Variants in CACNA1G observed in about 807,000 individuals in gnomAD.
CACNA1G encodes the protein calcium voltage-gated channel subunit alpha1 G, also known as voltage-dependent T-type calcium channel subunit alpha-1G.
Under a neutral mutation model 219.4 loss-of-function variants are expected in CACNA1G, and 67 were observed. The observed-to-expected ratio is 0.31, with a 90% CI of 0.25 to 0.37. CACNA1G has a LOEUF of 0.37. Among genes scored for constraint, CACNA1G ranks in the 10% least tolerant of loss-of-function variants. The pLI is 1.00. For missense variants in CACNA1G, 2,380 were observed against 3,231.4 expected (o/e 0.74, Z 6.39); for synonymous variants, 1,296 against 1,345.3 (o/e 0.96, Z 0.80).
chr17:50,603,315 T>C lies in CACNA1G; in HGVS notation c.4169+116T>C. ...AAAGCCTGCACAGGCCAGCATCCTG[T>C]CTGTGACCCCCACAGGCGATCCTGT... On this transcript the variant is annotated intron_variant, in intron 21 of 37. Coordinates refer to ENST00000359106, the MANE Select transcript of CACNA1G (RefSeq NM_018896.5). This position sits in a 1 kb window ranked among gnomAD's most constrained non-coding sequence, Gnocchi z 6.4. 5.8e-6 allele frequency: 5 copies of C among 869,248 alleles called. No homozygotes were observed. Among genetic ancestry groups the C allele is most frequent in the Non-Finnish European group, 8.8e-6 (5 of 568,088 alleles). 53.8% of individuals were successfully genotyped at this position (869,248 alleles called of 1,614,324 possible). A position where few individuals can be genotyped will look rare whatever the true frequency, so the allele number is the denominator to read the frequency against.
chr17:50,601,317 C>A, intron 19 of CACNA1G, 143 bp downstream of exon 19: 1 of 1,017,520 alleles, frequency 9.8e-7, no homozygotes, highest in Non-Finnish European at 1.4e-6. Context: ...TTAGGTCTCT[C>A]ACCAGATCCT....
At chr17:50,572,461 C>T in intron 5 of CACNA1G, 93 bp from the exon 6 acceptor site, 1 of 1,095,670 alleles carries the variant, frequency 9.1e-7, no homozygotes, top group Non-Finnish European at 1.3e-6. Context: ...ACCCTATATG[C>T]CTCGAGCACT....
chr17:50,621,871 G>A lies in CACNA1G; in HGVS notation c.6060+77G>A. On this transcript the variant is annotated intron_variant, in intron 35 of 37. Transcript: ENST00000359106. The surrounding 1 kb of genome is among the most constrained non-coding windows in gnomAD (Gnocchi z 4.6). ...CTGCAGGGCTCCAGATCGGCCCAGG[G>A]AGGGTCCTGGGGCCGCCTCCTCTCA... 1 of 1,540,202 alleles carries A rather than the reference G, an allele frequency of 6.5e-7. No individual in the cohort carries two copies.
Position 50,626,096 on chromosome 17 carries a change from C to T in CACNA1G, c.6479C>T (p.Ser2160Phe), listed in dbSNP as rs1317923508. 1.9e-6 allele frequency: 3 copies of T among 1,613,524 alleles called. No individual in the cohort carries two copies. Among genetic ancestry groups the T allele is most frequent in the East Asian group, 2.2e-5 (1 of 44,884 alleles). ...CTGCTGGCAGAGGTGAGTGGGCCCT[C>T]CCCGCCCCTGGCCCGGGCCTACTCT... The part of the protein sequence containing the change: ...EDLLAEVSGP[S>F]PPLARAYSFW... The change falls in exon 38 of 38, where the codon TCC (serine) becomes TTC (phenylalanine). Residue 2160 changes from serine to phenylalanine, a missense_variant. Ser to Phe is a radical substitution (Grantham distance 155). Coordinates refer to ENST00000359106, the MANE Select transcript of CACNA1G (RefSeq NM_018896.5). This position sits in a 1 kb window ranked among gnomAD's most constrained non-coding sequence, Gnocchi z 4.3.
chr17:50,566,030 TC>T (rs529768551), intron 1 of CACNA1G, among the ~76,000 whole-genome samples: 1 of 152,220 alleles, frequency 6.6e-6, no homozygotes, highest in Non-Finnish European at 1.5e-5. Flanking sequence ...GCAACCAGTG[TC>T]CCCCGTTCCC....
intron 36 of CACNA1G, 72 bp downstream of exon 36, chr17:50,624,147 T>C (rs2052997795): frequency 6.5e-7 from 1 of 1,543,022 alleles, no homozygotes; most frequent in Non-Finnish European, 8.9e-7. Flanking sequence ...AGTCCTGATC[T>C]GAGGGGATGG....
At chr17:50,616,531 A>G (rs2050646531) in intron 28 of CACNA1G, 147 bp downstream of exon 28, 2 of 548,222 alleles carry the variant, frequency 3.6e-6, no homozygotes, top group African/African-American at 3.8e-5. Context: ...GTAGGGGACT[A>G]GGGGATGGGA....
At position 50,600,840 on chromosome 17, in the gene CACNA1G, C is replaced by G. The variant is rs763045278; in HGVS notation, c.3791+14C>G. On this transcript the variant is annotated intron_variant, in intron 18 of 37. Transcript: ENST00000359106. The surrounding 1 kb of genome is among the most constrained non-coding windows in gnomAD (Gnocchi z 4.1). ...TCCTCAGTCCAGGTAAGTGACAGGGCAGGGGTCTGACCTGTGTCCCGACCT... is the reference window on the plus strand; with the variant it reads ...TCCTCAGTCCAGGTAAGTGACAGGGGAGGGGTCTGACCTGTGTCCCGACCT... The G allele has an allele frequency of 6.2e-7, 1 of 1,607,116 alleles. No individual in the cohort carries two copies. Among genetic ancestry groups the G allele is most frequent in the East Asian group, 2.2e-5 (1 of 44,834 alleles).
intron 27 of CACNA1G, 85 bp downstream of exon 27, chr17:50,615,597 T>C (rs2050360191): frequency 1.4e-6 from 2 of 1,475,342 alleles, no homozygotes; most frequent in Non-Finnish European, 1.8e-6. Context: ...TGAGCCAGGG[T>C]ACCTCTGTGC....
Position 50,618,027 on chromosome 17 carries a change from ATTTC to A in CACNA1G, c.5227-18_5227-15del, listed in dbSNP as rs1567760988. 6.2e-7 allele frequency: 1 copy of A among 1,612,714 alleles called. No homozygotes were observed. Among genetic ancestry groups the A allele is most frequent in the Non-Finnish European group, 8.5e-7 (1 of 1,179,080 alleles). Reference sequence around the variant, plus strand: ...TGGGAGACCCAGCGGCATCGTTTCTATTTCTTCTCCTTTTTTCCAGGTGGGGAAC... The same window carrying A: ...TGGGAGACCCAGCGGCATCGTTTCTATTCTCCTTTTTTCCAGGTGGGGAAC... On this transcript the variant is annotated splice_polypyrimidine_tract_variant and intron_variant, in intron 30 of 37. Coordinates refer to ENST00000359106, the MANE Select transcript of CACNA1G (RefSeq NM_018896.5). The surrounding 1 kb of genome is among the most constrained non-coding windows in gnomAD (Gnocchi z 5.3).
chr17:50,570,589 G>GTGTGTGTGT (rs1567968386), intron 4 of CACNA1G, among the ~76,000 whole-genome samples: 3 of 150,530 alleles, frequency 2.0e-5, no homozygotes, highest in Non-Finnish European at 4.4e-5. Flanking sequence ...GTGTGTGTGT[G>GTGTGTGTGT]ATGTTGCTGC....
intron 35 of CACNA1G, among the ~76,000 whole-genome samples, chr17:50,623,229 G>A (rs1340529996): frequency 6.8e-6 from 1 of 147,074 alleles, no homozygotes; most frequent in Non-Finnish European, 1.5e-5. Flanking sequence ...TGGAGTAGCT[G>A]GGATTACAGG....
At position 50,576,050 on chromosome 17, in the gene CACNA1G, G is replaced by A. The variant is rs748354117; in HGVS notation, c.1648G>A (p.Ala550Thr). Reference sequence around the variant, plus strand: ...CCTCTCCGGGGCCCCCCCTGGTGGCGCAGAGTCTGTGCACAGCTTCTACCA... The same window carrying A: ...CCTCTCCGGGGCCCCCCCTGGTGGCACAGAGTCTGTGCACAGCTTCTACCA... ...PALSGAPPGG[A>T]ESVHSFYHAD... The change falls in exon 8 of 38, where the codon GCA (alanine) becomes ACA (threonine). Residue 550 changes from alanine (A) to threonine (T), a missense_variant. Ala to Thr is a moderately conservative substitution (Grantham distance 58). This residue lies in a region of CACNA1G where 434 missense variants were observed against 417.3 expected (regional missense o/e 1.04). Coordinates refer to ENST00000359106, the MANE Select transcript of CACNA1G (RefSeq NM_018896.5). 1.3e-5 allele frequency: 20 copies of A among 1,577,054 alleles called. No homozygotes were observed. The highest frequency in any genetic ancestry group is 3.3e-4 in the Middle Eastern group (2 of 6,046).
At chr17:50,592,649 C>T (rs935238183) in intron 13 of CACNA1G, among the ~76,000 whole-genome samples, 1 of 152,216 alleles carries the variant, frequency 6.6e-6, no homozygotes, top group Non-Finnish European at 1.5e-5. Context: ...GCAGCGTCAT[C>T]AATTAATATT....
chr17:50,607,740 G>C (rs1305802323), intron 24 of CACNA1G, 87 bp from the exon 25 acceptor site: 38 of 1,171,512 alleles, frequency 3.2e-5, no homozygotes, highest in Non-Finnish European at 4.5e-5. Context: ...AGCTATTTGG[G>C]TTCGCAGGAA....
At position 50,626,563 on chromosome 17, in the gene CACNA1G, C is replaced by G. The variant is rs762245146; in HGVS notation, c.6946C>G (p.Pro2316Ala). 83 of 1,593,424 alleles carry G rather than the reference C, an allele frequency of 5.2e-5. No homozygotes were observed. The highest frequency in any genetic ancestry group is 1.7e-4 in the Middle Eastern group (1 of 5,968). Residue 2316 changes from proline to alanine, a missense_variant, in exon 38 of 38, where the codon CCC (proline) becomes GCC (alanine). Physicochemically the swap from Pro to Ala is conservative, Grantham distance 27. This residue lies in a region of CACNA1G where 672 missense variants were observed against 670.5 expected (regional missense o/e 1.00). Transcript: ENST00000359106. This position sits in a 1 kb window ranked among gnomAD's most constrained non-coding sequence, Gnocchi z 4.3. ...LSPPSITIDP[P>A]ESQGPRTPPS... is the part of the protein sequence containing the mutation. ...CCCGCCTAGTATCACCATAGACCCC[C>G]CCGAGAGCCAAGGTCCTCGGACCCC...
chr17:50,595,291 C>T (rs2145621340), intron 14 of CACNA1G, among the ~76,000 whole-genome samples: 1 of 152,362 alleles, frequency 6.6e-6, no homozygotes, highest in East Asian at 1.9e-4. Flanking sequence ...ACCAAGGGCA[C>T]CATCTCCATC....
intron 37 of CACNA1G, among the ~76,000 whole-genome samples, chr17:50,625,752 G>A (rs1048726141): frequency 2.6e-5 from 4 of 152,226 alleles, no homozygotes; most frequent in South Asian, 2.1e-4. Flanking sequence ...GGGCTGCAGA[G>A]AGAGCGATTC....
chr17:50,573,162 C>T lies in CACNA1G; in HGVS notation c.1140+49C>T, dbSNP rs998193908. 3.0e-6 allele frequency: 4 copies of T among 1,352,472 alleles called. No homozygotes were observed. The Admixed American group carries it at 7.9e-5, about 27-fold the overall frequency. 83.8% of individuals were successfully genotyped at this position (1,352,472 alleles called of 1,614,324 possible). A position where few individuals can be genotyped will look rare whatever the true frequency, so the allele number is the denominator to read the frequency against. On this transcript the variant is annotated intron_variant, in intron 7 of 37. Coordinates refer to ENST00000359106, the MANE Select transcript of CACNA1G (RefSeq NM_018896.5). ...TGGGGATGGGCGATCCTGGGGACACCTGTGGGGGCAGTCCAGAGAGGGGAT... is the reference window on the plus strand; with the variant it reads ...TGGGGATGGGCGATCCTGGGGACACTTGTGGGGGCAGTCCAGAGAGGGGAT...
Sources: gnomAD v4.1 joint callset for allele counts (sites outside exome capture counted in the v4.1 genomes callset) on GRCh38, gnomAD v4.1.1 for gene constraint, gnomAD v4.1.1 regional missense constraint, Gnocchi (gnomAD v3.1) non-coding constraint, MANE v1.5 for transcripts, NCBI Gene and HGNC (gene_info 2026-07-23, HGNC 2026-07-21) for gene names.